The following TRPC4 variants were observed in gnomAD, a reference collection of about 807,000 sequenced individuals.
The protein encoded by TRPC4 is transient receptor potential cation channel subfamily C member 4, also known as short transient receptor potential channel 4.
In TRPC4, 49 loss-of-function variants were observed where a neutral mutation model predicts 99.4. The observed-to-expected ratio is 0.49, with a 90% confidence interval of 0.39 to 0.63. The LOEUF is 0.63. TRPC4 is among the 20% of genes least tolerant of loss of function. The probability of loss-of-function intolerance (pLI) is 0.00; values close to 1 mark genes in which losing one functional copy is unlikely to be tolerated. For synonymous variants in TRPC4, 454 were observed against 425.9 expected (o/e 1.07, Z -0.81); for missense variants, 898 against 1,152.9 (o/e 0.78, Z 3.20).
intron 1 of TRPC4, among the ~76,000 whole-genome samples, chr13:37,820,280 T>C: frequency 6.6e-6 from 1 of 152,058 alleles, no homozygotes; most frequent in South Asian, 2.1e-4. Context: ...AATAACAAGT[T>C]TGGAAATTGA....
intron 3 of TRPC4, among the ~76,000 whole-genome samples, chr13:37,710,454 A>T (rs1298514478): frequency 6.6e-6 from 1 of 151,914 alleles, no homozygotes; most frequent in Non-Finnish European, 1.5e-5. Flanking sequence ...AGATTTTAAG[A>T]GGGTGTTATT....
rs1330863343 is a variant in TRPC4, at chr13:37,636,136, A to T, written c.*767T>A. ...CTTGCCATATTTTTGAAATTCAGTT[A>T]TTCATAAAGACTCATATTTATACTG... On this transcript the variant is annotated 3_prime_UTR_variant, in exon 11 of 11. Transcript: ENST00000379705. Among the ~76,000 whole-genome samples the T allele has an allele frequency of 6.6e-6, 1 of 152,036 alleles. No homozygotes were observed. Among genetic ancestry groups the T allele is most frequent in the East Asian group, 1.9e-4 (1 of 5,194 alleles).
intron 1 of TRPC4, among the ~76,000 whole-genome samples, chr13:37,834,716 A>G (rs1171710348): frequency 6.6e-6 from 1 of 151,816 alleles, no homozygotes; most frequent in Non-Finnish European, 1.5e-5. Flanking sequence ...CTCACTCTCC[A>G]TTTATTTATT....
chr13:37,820,233 G>A lies in TRPC4; in HGVS notation c.-27-36873C>T, dbSNP rs186565827. Among the ~76,000 whole-genome samples the A allele has an allele frequency of 3.1e-3, 477 of 152,036 alleles. 3 individuals carry two copies. The highest frequency in any genetic ancestry group is 0.011 in the African/African-American group (454 of 41,480). On this transcript the variant is annotated intron_variant, in intron 1 of 10. Transcript: ENST00000379705. ...TTCCTGGAAACACGCAACCTCCCAA[G>A]ATTGAACCAGGAGGATATGGAATTC...
At chr13:37,717,297 T>G (rs1033585860) in intron 3 of TRPC4, among the ~76,000 whole-genome samples, 4 of 152,162 alleles carry the variant, frequency 2.6e-5, no homozygotes, top group African/African-American at 7.2e-5. Context: ...TATTTCTACA[T>G]TAGAAACATA....
chr13:37,699,001 A>G (rs1379141773), intron 3 of TRPC4, among the ~76,000 whole-genome samples: 2 of 152,166 alleles, frequency 1.3e-5, no homozygotes, highest in Admixed American at 1.3e-4. Context: ...TTTGTATTAT[A>G]TATTTGGATA....
At position 37,637,429 on chromosome 13, in the gene TRPC4, A is replaced by G; in HGVS notation, c.2408T>C (p.Ile803Thr). The G allele has an allele frequency of 6.2e-7, 1 of 1,613,754 alleles. No individual in the cohort carries two copies. Among genetic ancestry groups the G allele is most frequent in the Non-Finnish European group, 8.5e-7 (1 of 1,179,828 alleles). Residue 803 changes from isoleucine (I) to threonine (T), a missense_variant, in exon 11 of 11, where the codon ATT (isoleucine) becomes ACT (threonine). Transcript: ENST00000379705. ...NFSLFDLTTL[I>T]HPRSAAIASE... is the part of the protein sequence containing the mutation. The stretch of plus-strand genomic sequence containing the variant: ...GGCAATTGCTGCTGATCTCGGATGA[A>G]TCAGGGTGGTTAAATCAAAAAGGCT...
At chr13:37,648,456 G>C (rs575026627) in intron 8 of TRPC4, among the ~76,000 whole-genome samples, 1 of 151,754 alleles carries the variant, frequency 6.6e-6, no homozygotes, top group East Asian at 1.9e-4. Context: ...TGGTGGAAAA[G>C]ACAGACAAAA....
At chr13:37,711,217 C>T (rs978862514) in intron 3 of TRPC4, among the ~76,000 whole-genome samples, 18 of 151,922 alleles carry the variant, frequency 1.2e-4, no homozygotes, top group African/African-American at 4.3e-4. Flanking sequence ...TCACAAATAA[C>T]TTTTTGGAAC....
intron 1 of TRPC4, among the ~76,000 whole-genome samples, chr13:37,812,197 C>CAAAAAAAAAAAAA (rs1156963631): frequency 4.0e-4 from 44 of 111,216 alleles, no homozygotes; most frequent in South Asian, 1.5e-3. Context: ...AAAAAAAAAC[C>CAAAAAAAAAAAAA]AGGAGATCTA....
intron 1 of TRPC4, among the ~76,000 whole-genome samples, chr13:37,822,516 C>T (rs1476771308): frequency 1.4e-5 from 2 of 144,576 alleles, no homozygotes; most frequent in Non-Finnish European, 1.5e-5. Context: ...TGAGAATATG[C>T]GGTGTTTGGT....
At chr13:37,662,322 T>G (rs1311503024) in intron 6 of TRPC4, among the ~76,000 whole-genome samples, 2 of 128,672 alleles carry the variant, frequency 1.6e-5, no homozygotes, top group Admixed American at 1.5e-4. Flanking sequence ...AAAAAAAAAA[T>G]TATGTTTTCT....
chr13:37,709,243 G>C (rs188661257), intron 3 of TRPC4, among the ~76,000 whole-genome samples: 1 of 151,956 alleles, frequency 6.6e-6, no homozygotes, highest in African/African-American at 2.4e-5. Context: ...TTATCTAAGA[G>C]GTAATGATAA....
At chr13:37,763,312 A>G (rs879703487) in intron 2 of TRPC4, among the ~76,000 whole-genome samples, 16 of 151,616 alleles carry the variant, frequency 1.1e-4, no homozygotes, top group Admixed American at 9.9e-4. Context: ...GTACTAAGGC[A>G]TATATTGAGG....
rs112903780 is a variant in TRPC4 at position 37,637,630 on chromosome 13, G to T, written c.2212-5C>A. 1 of 1,556,994 alleles carries T rather than the reference G, an allele frequency of 6.4e-7. No individual in the cohort carries two copies. The highest frequency in any genetic ancestry group is 8.6e-7 in the Non-Finnish European group (1 of 1,157,228). On this transcript the variant is annotated splice_region_variant and splice_polypyrimidine_tract_variant and intron_variant, in intron 10 of 10. Coordinates refer to ENST00000379705, the MANE Select transcript of TRPC4 (RefSeq NM_016179.4). Reference sequence around the variant, plus strand: ...AGAAATGTCTTGCTTTAGTTCCTACGTAGAATTTAAAATGAAAAATTCGGT... The same window carrying T: ...AGAAATGTCTTGCTTTAGTTCCTACTTAGAATTTAAAATGAAAAATTCGGT...
chr13:37,832,058 T>C (rs187204612), intron 1 of TRPC4, among the ~76,000 whole-genome samples: 2 of 152,210 alleles, frequency 1.3e-5, no homozygotes, highest in Admixed American at 1.3e-4. Context: ...CAAAAAGAAA[T>C]GATAAGTAGG....
At chr13:37,868,756 T>C (rs1011570518) in intron 1 of TRPC4, among the ~76,000 whole-genome samples, 2 of 152,056 alleles carry the variant, frequency 1.3e-5, no homozygotes, top group Non-Finnish European at 2.9e-5. Flanking sequence ...GGGAAGGGCC[T>C]CTCTAAGAAG....
chr13:37,713,903 C>T (rs970838452), intron 3 of TRPC4, among the ~76,000 whole-genome samples: 1 of 152,096 alleles, frequency 6.6e-6, no homozygotes, highest in Non-Finnish European at 1.5e-5. Context: ...GGAATCTGTG[C>T]ATTCTTTGTT....
chr13:37,797,322 G>A (rs1315178575), intron 1 of TRPC4, among the ~76,000 whole-genome samples: 1 of 152,126 alleles, frequency 6.6e-6, no homozygotes, highest in Non-Finnish European at 1.5e-5. Flanking sequence ...ACTAAGAAAT[G>A]GTAGCACAAT....
Sources: gnomAD v4.1 joint callset for allele counts (sites outside exome capture counted in the v4.1 genomes callset) on GRCh38, gnomAD v4.1.1 for gene constraint, MANE v1.5 for transcripts, NCBI Gene and HGNC (gene_info 2026-07-23, HGNC 2026-07-21) for gene names.